The following TNFAIP8 variants were observed in gnomAD, a reference collection of about 807,000 sequenced individuals.
TNFAIP8 encodes TNF alpha induced protein 8, also known as tumor necrosis factor alpha-induced protein 8.
Under a neutral mutation model 13.3 loss-of-function variants are expected in TNFAIP8, and 7 were observed. The observed-to-expected ratio is 0.52, with a 90% CI of 0.30 to 0.99. The LOEUF is 0.99. Ranked by LOEUF, TNFAIP8 falls within the 50% of genes least tolerant of loss-of-function variation. TNFAIP8 has a pLI of 0.07. For synonymous variants in TNFAIP8, 94 were observed against 87.6 expected, an observed-to-expected ratio of 1.07 and a Z score of -0.41; for missense variants, 258 against 236.9, an observed-to-expected ratio of 1.09 and a Z score of -0.58.
chr5:119,393,649 G>GA lies in TNFAIP8; in HGVS notation c.*273dup, dbSNP rs1331988132. On this transcript the variant is annotated 3_prime_UTR_variant, in exon 2 of 2. Transcript: ENST00000504771. Reference sequence around the variant, plus strand: ...GGTAATGCAAATGTAGTTATACAAAGAAAAATACAGATGTCTCCAGACCTG... The same window carrying GA: ...GGTAATGCAAATGTAGTTATACAAAGAAAAAATACAGATGTCTCCAGACCTG... 2.5e-6 allele frequency: 1 copy of GA among 397,846 alleles called. No individual in the cohort carries two copies. Among genetic ancestry groups the GA allele is most frequent in the Non-Finnish European group, 4.6e-6 (1 of 217,296 alleles). The allele number at this position is 397,846 out of a possible 1,614,324, so 24.6% of individuals were successfully genotyped here.
At chr5:119,296,819 A>G (rs1409623244) in intron 1 of TNFAIP8, among the ~76,000 whole-genome samples, 4 of 150,802 alleles carry the variant, frequency 2.7e-5, no homozygotes, top group Non-Finnish European at 5.9e-5. Flanking sequence ...TTATTGGTCT[A>G]TTCAGAGATT....
chr5:119,310,652 T>C (rs537567546), intron 1 of TNFAIP8, among the ~76,000 whole-genome samples: 1 of 152,262 alleles, frequency 6.6e-6, no homozygotes, highest in Admixed American at 6.5e-5. Context: ...CTGGCTAATA[T>C]GGTAAAACCC....
At chr5:119,273,677 A>G (rs1317886678) in intron 1 of TNFAIP8, among the ~76,000 whole-genome samples, 5 of 152,242 alleles carry the variant, frequency 3.3e-5, no homozygotes, top group African/African-American at 1.2e-4. Flanking sequence ...TAAAACAGGT[A>G]GTGAATGAAA....
chr5:119,345,990 A>G (rs1309196106), intron 1 of TNFAIP8, among the ~76,000 whole-genome samples: 1 of 152,212 alleles, frequency 6.6e-6, no homozygotes, highest in Non-Finnish European at 1.5e-5. Flanking sequence ...ACAGAGGAAT[A>G]GCAGATATAA....
chr5:119,321,274 C>A (rs1750046443), intron 1 of TNFAIP8, among the ~76,000 whole-genome samples: 1 of 152,130 alleles, frequency 6.6e-6, no homozygotes, highest in South Asian at 2.1e-4. Context: ...TTGGGGAAGA[C>A]TTGTGGGCAT....
intron 1 of TNFAIP8, among the ~76,000 whole-genome samples, chr5:119,295,091 G>A (rs1388175582): frequency 6.6e-6 from 1 of 151,782 alleles, no homozygotes; most frequent in Non-Finnish European, 1.5e-5. Flanking sequence ...ATTGCTTTTG[G>A]TGTTTTAGAC....
intron 1 of TNFAIP8, among the ~76,000 whole-genome samples, chr5:119,370,359 G>A (rs1752026554): frequency 6.6e-6 from 1 of 152,218 alleles, no homozygotes; most frequent in South Asian, 2.1e-4. Flanking sequence ...TCTTTAAGTT[G>A]AGTAAAGGAG....
intron 1 of TNFAIP8, among the ~76,000 whole-genome samples, chr5:119,347,003 G>A (rs1750922945): frequency 6.6e-6 from 1 of 152,208 alleles, no homozygotes; most frequent in African/African-American, 2.4e-5. Flanking sequence ...GAAGTTACCA[G>A]GTTGGAGGCT....
chr5:119,291,550 C>G (rs1464672379), intron 1 of TNFAIP8, among the ~76,000 whole-genome samples: 1 of 152,174 alleles, frequency 6.6e-6, no homozygotes, highest in Non-Finnish European at 1.5e-5. Flanking sequence ...AAAGAGTGTT[C>G]TTATTTTGCG....
intron 1 of TNFAIP8, among the ~76,000 whole-genome samples, chr5:119,376,902 G>T (rs1454729134): frequency 6.6e-6 from 1 of 152,086 alleles, no homozygotes; most frequent in Non-Finnish European, 1.5e-5. Flanking sequence ...TTTCGGAAAG[G>T]CCTTCCCCAA....
At chr5:119,277,173 A>C (rs542031215) in intron 1 of TNFAIP8, among the ~76,000 whole-genome samples, 1 of 152,222 alleles carries the variant, frequency 6.6e-6, no homozygotes, top group Non-Finnish European at 1.5e-5. Context: ...TCACACTGCA[A>C]CTGTGGAAAC....
chr5:119,358,355 ATTG>A (rs1751515363), intron 1 of TNFAIP8, among the ~76,000 whole-genome samples: 1 of 152,180 alleles, frequency 6.6e-6, no homozygotes, highest in Non-Finnish European at 1.5e-5. Context: ...GACTGGGGAT[ATTG>A]TTAAGCCATC....
chr5:119,393,299 A>G lies in TNFAIP8; in HGVS notation c.515A>G (p.Tyr172Cys), dbSNP rs1440105490. ...FSDCEFLAAL[Y>C]NPFGNFKPHL... is the part of the protein sequence containing the mutation. ...GATTGTGAATTTTTGGCTGCCTTGT[A>G]TAATCCTTTTGGGAATTTTAAACCC... Residue 172 changes from tyrosine (Y) to cysteine (C), a missense_variant, in exon 2 of 2, where the codon TAT (tyrosine) becomes TGT (cysteine). By Grantham distance (194) the Tyr-to-Cys change is radical. Transcript: ENST00000504771. 4 of 1,613,924 alleles carry G rather than the reference A, an allele frequency of 2.5e-6. No homozygotes were observed. Among genetic ancestry groups the G allele is most frequent in the East Asian group, 2.2e-5 (1 of 44,902 alleles).
chr5:119,379,527 AG>A (rs1190097953), intron 1 of TNFAIP8, among the ~76,000 whole-genome samples: 1 of 152,116 alleles, frequency 6.6e-6, no homozygotes, highest in Admixed American at 6.5e-5. Context: ...GCAGATATAT[AG>A]CTTTTCTTTA....
exon 1 of TNFAIP8, chr5:119,268,843 C>T (rs1169202412): frequency 1.4e-5 from 10 of 703,386 alleles, no homozygotes; most frequent in Non-Finnish European, 2.6e-5. Flanking sequence ...GAGCAGAGAA[C>T]TCGGCGCCGC....
intron 1 of TNFAIP8, among the ~76,000 whole-genome samples, chr5:119,277,173 A>G (rs542031215): frequency 6.6e-6 from 1 of 152,340 alleles, no homozygotes; most frequent in East Asian, 1.9e-4. Context: ...TCACACTGCA[A>G]CTGTGGAAAC....
intron 1 of TNFAIP8, among the ~76,000 whole-genome samples, chr5:119,369,039 T>A (rs954604187): frequency 2.0e-5 from 3 of 148,324 alleles, no homozygotes; most frequent in African/African-American, 7.7e-5. Flanking sequence ...AGCCAAACTT[T>A]CTTTTCTTTT....
At chr5:119,291,028 T>C (rs1748969425) in intron 1 of TNFAIP8, among the ~76,000 whole-genome samples, 1 of 152,198 alleles carries the variant, frequency 6.6e-6, no homozygotes, top group Admixed American at 6.5e-5. Context: ...ATCATTGGCA[T>C]ATTTTAGCTT....
chr5:119,311,125 C>T (rs1355793482), intron 1 of TNFAIP8, among the ~76,000 whole-genome samples: 3 of 152,040 alleles, frequency 2.0e-5, no homozygotes, highest in Non-Finnish European at 2.9e-5. Flanking sequence ...TGGCCTTGAG[C>T]GATCCTCCCA....
Sources: allele counts gnomAD v4.1 joint callset (sites outside exome capture counted in the v4.1 genomes callset), GRCh38; gene constraint gnomAD v4.1.1; transcripts MANE v1.5; gene names NCBI Gene and HGNC (gene_info 2026-07-23, HGNC 2026-07-21).